Variants in LDLRAD4 observed in about 807,000 individuals in gnomAD.
LDLRAD4 encodes the protein low-density lipoprotein receptor class A domain-containing protein 4.
LDLRAD4 carries 5 observed loss-of-function variants against 17.0 expected under a neutral mutation model. That is an observed-to-expected ratio of 0.29 (90% CI 0.15 to 0.62). LDLRAD4 has a LOEUF of 0.62. Ranked by LOEUF, LDLRAD4 falls within the 20% of genes least tolerant of loss-of-function variation. The probability of loss-of-function intolerance (pLI) is 0.84; values close to 1 mark genes in which losing one functional copy is unlikely to be tolerated. For missense variants in LDLRAD4, 340 were observed against 424.7 expected (o/e 0.80, Z 1.75); for synonymous variants, 168 against 171.8 (o/e 0.98, Z 0.17).
chr18:13,303,268 G>T (rs1567985283), intron 1 of LDLRAD4, among the ~76,000 whole-genome samples: 2 of 152,102 alleles, frequency 1.3e-5, no homozygotes, highest in African/African-American at 2.4e-5. Flanking sequence ...TTCCCTAGAG[G>T]CAGGGTCTCA....
Position 13,225,027 on chromosome 18 carries a change from G to A in LDLRAD4, c.-467+6039G>A, listed in dbSNP as rs1421693378. Among the ~76,000 whole-genome samples the A allele has an allele frequency of 4.0e-5, 6 of 151,820 alleles. No individual in the cohort carries two copies. The South Asian group carries it at 1.3e-3, about 32-fold the overall frequency. On this transcript the variant is annotated intron_variant, in intron 1 of 5. Coordinates refer to the LDLRAD4 transcript ENST00000399848. ...TTTTATGTATTTTTAGTAGAGACGG[G>A]GTTTCGTCATGTTGGCCAGGCTGGT... is the stretch of plus-strand genomic sequence containing the variant.
At chr18:13,639,168 A>C (rs2042315137) in intron 4 of LDLRAD4, among the ~76,000 whole-genome samples, 1 of 152,260 alleles carries the variant, frequency 6.6e-6, no homozygotes, top group African/African-American at 2.4e-5. Context: ...CAAGAACATC[A>C]GTGCCTTCAT....
At chr18:13,220,775 G>A (rs1162136637) in intron 1 of LDLRAD4, among the ~76,000 whole-genome samples, 4 of 152,174 alleles carry the variant, frequency 2.6e-5, no homozygotes, top group Non-Finnish European at 4.4e-5. Context: ...TTTGCTCTGG[G>A]CTGCTGCAGG....
chr18:13,634,437 G>A (rs572802108), intron 4 of LDLRAD4, among the ~76,000 whole-genome samples: 4 of 152,076 alleles, frequency 2.6e-5, no homozygotes, highest in Admixed American at 6.5e-5. Context: ...TGAACAATTC[G>A]GTAAGGAAAT....
intron 3 of LDLRAD4, among the ~76,000 whole-genome samples, chr18:13,459,159 CAAAAAAAAAAAAAAAAAAAAAAAA>C (rs534798084): frequency 1.9e-5 from 1 of 53,736 alleles, no homozygotes; most frequent in Non-Finnish European, 3.6e-5. Context: ...ATCTCTACAC[CAAAAAAAAAAAAAAAAAAAAAAAA>C]AAAAAAAAGC....
rs898171790 is a variant in LDLRAD4 at position 13,367,864 on chromosome 18, C to T, written c.-382-19477C>T. 4.0e-5 allele frequency among the ~76,000 whole-genome samples: 6 copies of T among 150,982 alleles called. No individual in the cohort carries two copies. Among genetic ancestry groups the T allele is most frequent in the Admixed American group, 1.3e-4 (2 of 15,114 alleles). ...GGGGGTGTGCTATCAAGGGGTGTAT[C>T]GAGAGGGGACGACTGGGCATGGGGG... On this transcript the variant is annotated intron_variant, in intron 1 of 5. Transcript: ENST00000359446. This position sits in a 1 kb window ranked among gnomAD's most constrained non-coding sequence, Gnocchi z 4.1.
chr18:13,536,643 C>G (rs769696327), intron 3 of LDLRAD4, among the ~76,000 whole-genome samples: 1 of 151,622 alleles, frequency 6.6e-6, no homozygotes, highest in African/African-American at 2.4e-5. Flanking sequence ...TGTTCAGAAC[C>G]TTCAGTACAA....
At chr18:13,324,194 G>A (rs1011180609) in intron 1 of LDLRAD4, among the ~76,000 whole-genome samples, 41 of 150,594 alleles carry the variant, frequency 2.7e-4, no homozygotes, top group African/African-American at 9.5e-4. Flanking sequence ...CTGAAGTGCA[G>A]TGGCACGATC....
intron 2 of LDLRAD4, among the ~76,000 whole-genome samples, chr18:13,435,457 A>G (rs1236447878): frequency 6.6e-6 from 1 of 151,884 alleles, no homozygotes; most frequent in African/African-American, 2.4e-5. Flanking sequence ...TTAATTTTTA[A>G]TTTTTTAGAG....
intron 2 of LDLRAD4, among the ~76,000 whole-genome samples, chr18:13,416,681 A>G (rs750176667): frequency 6.6e-6 from 1 of 152,236 alleles, no homozygotes; most frequent in Non-Finnish European, 1.5e-5. Flanking sequence ...TTATTCAACA[A>G]AATTTTCTTT....
chr18:13,511,582 A>G (rs1269182928), intron 3 of LDLRAD4, among the ~76,000 whole-genome samples: 1 of 152,222 alleles, frequency 6.6e-6, no homozygotes, highest in Non-Finnish European at 1.5e-5. Context: ...TTTGAAAATT[A>G]TGGGTAAAGA....
chr18:13,520,971 C>G (rs1277249598), intron 3 of LDLRAD4: 1 of 152,234 alleles, frequency 6.6e-6, no homozygotes, highest in Non-Finnish European at 1.5e-5. Context: ...ACCTCTTGGA[C>G]AGGCCACTGG....
chr18:13,302,014 A>G (rs137946601), intron 1 of LDLRAD4, among the ~76,000 whole-genome samples: 91 of 152,338 alleles, frequency 6.0e-4, no homozygotes, highest in African/African-American at 2.0e-3. Flanking sequence ...ATACGTACAT[A>G]TAAATGTGAT....
At chr18:13,403,942 G>C (rs1364209173) in intron 2 of LDLRAD4, among the ~76,000 whole-genome samples, 1 of 152,218 alleles carries the variant, frequency 6.6e-6, no homozygotes, top group East Asian at 1.9e-4. Flanking sequence ...CCTGTCCCGG[G>C]GAGGCACCCA....
intron 3 of LDLRAD4, among the ~76,000 whole-genome samples, chr18:13,447,021 T>C (rs1228512618): frequency 6.6e-6 from 1 of 152,186 alleles, no homozygotes; most frequent in East Asian, 1.9e-4. Context: ...GGTGAGGGGC[T>C]CTGGGTTTCC....
chr18:13,543,982 G>A lies in LDLRAD4; in HGVS notation c.182-77135G>A, dbSNP rs191998771. The stretch of plus-strand genomic sequence containing the variant: ...TACCAGGACGAGGCCTGCCCCGAAC[G>A]TGCAGGCCCACATACGTGCATACGT... On this transcript the variant is annotated intron_variant, in intron 3 of 5. Transcript: ENST00000359446. Among the ~76,000 whole-genome samples the A allele has an allele frequency of 4.6e-5, 7 of 152,358 alleles. No homozygotes were observed. In the East Asian group the frequency reaches 9.7e-4, roughly 21 times the overall value.
chr18:13,596,734 G>T lies in LDLRAD4; in HGVS notation c.182-24383G>T, dbSNP rs541069672. On this transcript the variant is annotated intron_variant, in intron 3 of 5. Coordinates refer to ENST00000359446, the Ensembl canonical transcript of LDLRAD4. The stretch of plus-strand genomic sequence containing the variant: ...TCTATTTATAGCATGTCTTGTATTA[G>T]CCTTCTAATTTACCTTTTCTAGTTC... Among the ~76,000 whole-genome samples, 117 of 152,232 alleles carry T rather than the reference G, an allele frequency of 7.7e-4. 1 individual carries two copies. Among genetic ancestry groups the T allele is most frequent in the African/African-American group, 2.7e-3 (113 of 41,552 alleles).
chr18:13,413,121 A>G (rs1301965677), intron 2 of LDLRAD4, among the ~76,000 whole-genome samples: 2 of 152,178 alleles, frequency 1.3e-5, no homozygotes, highest in African/African-American at 4.8e-5. Context: ...CGTCAAGCCC[A>G]GGATGGTGCT....
At chr18:13,539,762 G>A (rs1482869157) in intron 3 of LDLRAD4, among the ~76,000 whole-genome samples, 1 of 152,042 alleles carries the variant, frequency 6.6e-6, no homozygotes, top group Non-Finnish European at 1.5e-5. Context: ...TGCATCCTGG[G>A]TTAAGCACAT....
Sources: gnomAD v4.1 joint callset for allele counts (sites outside exome capture counted in the v4.1 genomes callset) on GRCh38, gnomAD v4.1.1 for gene constraint, Gnocchi (gnomAD v3.1) non-coding constraint, MANE v1.5 for transcripts, NCBI Gene and HGNC (gene_info 2026-07-23, HGNC 2026-07-21) for gene names.